The following AMZ1 variants were observed in gnomAD, a reference collection of about 807,000 sequenced individuals.
The protein encoded by AMZ1 is archaelysin family metallopeptidase 1, also known as archaemetzincin-1.
A neutral mutation model predicts 29.9 loss-of-function variants in AMZ1; 39 were observed. The ratio of observed to expected loss-of-function variants is 1.30; its 90% CI spans 1.01 to 1.70. The LOEUF is 1.70. Among genes scored for constraint, AMZ1 ranks in the 40% most tolerant of loss-of-function variants. AMZ1 has a pLI of 0.00. For synonymous variants in AMZ1, 458 were observed against 304.0 expected, an observed-to-expected ratio of 1.51 and a Z score of -5.27; for missense variants, 1,041 against 680.6, an observed-to-expected ratio of 1.53 and a Z score of -5.89.
intron 4 of AMZ1, among the ~76,000 whole-genome samples, chr7:2,751,858 C>G (rs1276274834): frequency 6.6e-6 from 1 of 152,044 alleles, no homozygotes; most frequent in African/African-American, 2.4e-5. Context: ...TGGATTTGTT[C>G]TAAAACAACA....
At chr7:2,739,234 C>A (rs933511096) in intron 4 of AMZ1, among the ~76,000 whole-genome samples, 8 of 152,188 alleles carry the variant, frequency 5.3e-5, no homozygotes, top group African/African-American at 1.9e-4. Flanking sequence ...GCATTTACTA[C>A]CTTCAAAATG....
chr7:2,712,670 TG>T lies in AMZ1; in HGVS notation c.1291del (p.Asp431ThrfsTer44), dbSNP rs1237923996. 1 of 1,612,790 alleles carries T rather than the reference TG, an allele frequency of 6.2e-7. No homozygotes were observed. Among genetic ancestry groups the T allele is most frequent in the Non-Finnish European group, 8.5e-7 (1 of 1,179,882 alleles). ...GTGGCAGAGGAGGACCTGGTGCAGG[TG>T]GACAGAGCCGTGGACGCCCTCGACC... Reference protein sequence around the residue: ...REVAEEDLVQVDRAVDALDRW... With the variant: ...REVAEEDLVQXDRAVDALDRW... On this transcript the variant is annotated frameshift_variant, in exon 7 of 7. Transcript: ENST00000683327. LOFTEE classifies it low-confidence loss of function (END_TRUNC).
At chr7:2,698,563 G>A (rs1225355247) in intron 1 of AMZ1, among the ~76,000 whole-genome samples, 1 of 151,806 alleles carries the variant, frequency 6.6e-6, no homozygotes, top group Non-Finnish European at 1.5e-5. Context: ...GTTGGGGCTC[G>A]GGGGGTCTGT....
At chr7:2,741,400 G>C (rs1278752581) in intron 4 of AMZ1, among the ~76,000 whole-genome samples, 1 of 152,122 alleles carries the variant, frequency 6.6e-6, no homozygotes, top group Admixed American at 6.6e-5. Flanking sequence ...GGGGTGGGGA[G>C]AGCTCACCCA....
chr7:2,690,921 AC>A (rs1276840726), intron 1 of AMZ1, among the ~76,000 whole-genome samples: 1 of 151,960 alleles, frequency 6.6e-6, no homozygotes, highest in Admixed American at 6.6e-5. Flanking sequence ...CAGGCAGACC[AC>A]TTGAGGCCAG....
At chr7:2,756,430 G>C (rs1276163997) in intron 4 of AMZ1, among the ~76,000 whole-genome samples, 1 of 152,150 alleles carries the variant, frequency 6.6e-6, no homozygotes, top group Non-Finnish European at 1.5e-5. Context: ...CTGGGCAATA[G>C]AGTGAGACCT....
downstream of AMZ1, among the ~76,000 whole-genome samples, chr7:2,720,111 C>T (rs1164981992): frequency 6.6e-6 from 1 of 152,270 alleles, no homozygotes; most frequent in African/African-American, 2.4e-5. Flanking sequence ...CCGACGGGAA[C>T]CTACCGACAG....
At chr7:2,732,701 G>T (rs546574821) in intron 4 of AMZ1, among the ~76,000 whole-genome samples, 14 of 152,298 alleles carry the variant, frequency 9.2e-5, no homozygotes, top group African/African-American at 3.1e-4. Context: ...GTGTGCAGGG[G>T]ACAGAGAAAC....
At chr7:2,686,349 A>G (rs1165415423), upstream of AMZ1, among the ~76,000 whole-genome samples, 1 of 152,166 alleles carries the variant, frequency 6.6e-6, no homozygotes, top group Non-Finnish European at 1.5e-5. Context: ...CTTGAGCAAC[A>G]TAGCGAGATC....
At chr7:2,722,634 G>A (rs1437836618), downstream of AMZ1, among the ~76,000 whole-genome samples, 3 of 152,166 alleles carry the variant, frequency 2.0e-5, no homozygotes, top group Non-Finnish European at 2.9e-5. Flanking sequence ...TTTGAGATTC[G>A]AGACTGACAG....
intron 1 of AMZ1, among the ~76,000 whole-genome samples, chr7:2,696,542 C>A (rs1047564819): frequency 6.7e-6 from 1 of 149,896 alleles, no homozygotes; most frequent in East Asian, 2.1e-4. Flanking sequence ...CAGGCGTGAG[C>A]CACCGCACCT....
chr7:2,720,148 T>C (rs1191766259), downstream of AMZ1, among the ~76,000 whole-genome samples: 3 of 152,040 alleles, frequency 2.0e-5, no homozygotes, highest in Non-Finnish European at 4.4e-5. Flanking sequence ...TGCAGAGCTT[T>C]CCGTGCAAAG....
At chr7:2,726,014 C>G (rs1408311753) in intron 4 of AMZ1, among the ~76,000 whole-genome samples, 1 of 152,234 alleles carries the variant, frequency 6.6e-6, no homozygotes, top group Non-Finnish European at 1.5e-5. Flanking sequence ...AGGACCATCT[C>G]TCCCCGGGGC....
chr7:2,745,239 G>A (rs920354423), intron 4 of AMZ1, among the ~76,000 whole-genome samples: 7 of 152,184 alleles, frequency 4.6e-5, no homozygotes, highest in African/African-American at 1.7e-4. Flanking sequence ...AAGTTGAAAT[G>A]AAGGAAAAAA....
rs1246386283 is a variant in AMZ1 at position 2,700,486 on chromosome 7, T to C, written c.35T>C (p.Phe12Ser). ...LQCRPAQEFS[F>S]GPRALKDALV... ...TGTAGACCCGCACAGGAGTTCAGCT[T>C]CGGGCCCCGGGCCTTGAAGGACGCT... Residue 12 changes from phenylalanine to serine, a missense_variant, in exon 2 of 7, where the codon TTC (phenylalanine) becomes TCC (serine). Coordinates refer to ENST00000683327, the MANE Select transcript of AMZ1 (RefSeq NM_001384743.1). 1.2e-6 allele frequency: 2 copies of C among 1,603,734 alleles called. No homozygotes were observed. Among genetic ancestry groups the C allele is most frequent in the Admixed American group, 3.3e-5 (2 of 60,006 alleles).
At chr7:2,711,329 C>G (rs1788762026) in intron 6 of AMZ1, among the ~76,000 whole-genome samples, 1 of 152,214 alleles carries the variant, frequency 6.6e-6, no homozygotes, top group African/African-American at 2.4e-5. Flanking sequence ...CCACTGACAG[C>G]AATCAGTGAA....
upstream of AMZ1, among the ~76,000 whole-genome samples, chr7:2,683,460 CAG>C (rs1388714221): frequency 6.6e-6 from 1 of 151,940 alleles, no homozygotes; most frequent in Non-Finnish European, 1.5e-5. Flanking sequence ...TTTTTTGAGA[CAG>C]AGTCTGGCTC....
At chr7:2,732,680 C>T (rs1218305009) in intron 4 of AMZ1, among the ~76,000 whole-genome samples, 1 of 152,224 alleles carries the variant, frequency 6.6e-6, no homozygotes, top group Non-Finnish European at 1.5e-5. Context: ...GGTCTGACTA[C>T]CACCCACGGG....
In AMZ1 at chr7:2,715,220, C is replaced by A. The variant is rs952542458; in HGVS notation, c.*2342C>A. ...CACGGCGGCAGTGACAAGGACCCCACCCCAGGTTCACGGGGAGGGGACGTG... is the reference window on the plus strand; with the variant it reads ...CACGGCGGCAGTGACAAGGACCCCAACCCAGGTTCACGGGGAGGGGACGTG... On this transcript the variant is annotated 3_prime_UTR_variant, in exon 7 of 7. Transcript: ENST00000683327. The A allele has an allele frequency of 2.6e-5, 4 of 152,322 alleles. No homozygotes were observed. The highest frequency in any genetic ancestry group is 9.7e-5 in the African/African-American group (4 of 41,432). 9.4% of individuals were successfully genotyped at this position (152,322 alleles called of 1,614,324 possible).
Sources: gnomAD v4.1 joint callset for allele counts (sites outside exome capture counted in the v4.1 genomes callset) on GRCh38, gnomAD v4.1.1 for gene constraint, MANE v1.5 for transcripts, NCBI Gene and HGNC (gene_info 2026-07-23, HGNC 2026-07-21) for gene names.